Variants in C1QTNF2 observed in about 807,000 individuals in gnomAD.
C1QTNF2 encodes the protein C1q and TNF related 2.
Under a neutral mutation model 17.4 loss-of-function variants are expected in C1QTNF2, and 15 were observed. The ratio of observed to expected loss-of-function variants is 0.86; its 90% CI spans 0.58 to 1.33. C1QTNF2 has a LOEUF of 1.33. C1QTNF2 is among the 40% of genes most tolerant of loss of function. The probability of loss-of-function intolerance (pLI) is 0.00; values close to 1 mark genes in which losing one functional copy is unlikely to be tolerated. For missense variants in C1QTNF2, 381 were observed against 392.3 expected (o/e 0.97, Z 0.24); for synonymous variants, 154 against 163.3 (o/e 0.94, Z 0.44).
chr5:160,364,751 C>G (rs1232773540), intron 1 of C1QTNF2, among the ~76,000 whole-genome samples: 2 of 152,152 alleles, frequency 1.3e-5, no homozygotes, highest in Non-Finnish European at 2.9e-5. Flanking sequence ...TCCTGCCTTG[C>G]TGTTTCTGCT....
Position 160,349,591 on chromosome 5 carries a change from A to T in C1QTNF2, c.435T>A (p.Ser145Arg). 1 of 1,613,058 alleles carries T rather than the reference A, an allele frequency of 6.2e-7. No homozygotes were observed. ...PGLPGPCSCG[S>R]GHTKSAFSVA... The stretch of plus-strand genomic sequence containing the variant: ...CCGAGAAAGCTGACTTGGTATGGCC[A>T]CTGCCACAGCTGCAGGGGCCTGGGA... The change falls in exon 3 of 3, where the codon AGT becomes AGA. Residue 145 changes from serine to arginine, a missense_variant. Ser to Arg is a moderately radical substitution (Grantham distance 110, BLOSUM62 -1). Transcript: ENST00000652664. The surrounding 1 kb of genome is among the most constrained non-coding windows in gnomAD (Gnocchi z 4.3).
intron 1 of C1QTNF2, among the ~76,000 whole-genome samples, chr5:160,357,785 G>C (rs907293914): frequency 2.0e-5 from 3 of 150,744 alleles, no homozygotes; most frequent in Non-Finnish European, 4.4e-5. Context: ...GAGGGAGAGA[G>C]ACTGGCAGAA....
intron 1 of C1QTNF2, among the ~76,000 whole-genome samples, chr5:160,369,084 T>C (rs1462995442): frequency 1.3e-5 from 2 of 150,894 alleles, no homozygotes; most frequent in Admixed American, 1.3e-4. Flanking sequence ...ACAGCACAAA[T>C]ACAGAGTATA....
intron 1 of C1QTNF2, among the ~76,000 whole-genome samples, chr5:160,357,697 C>T (rs753694595): frequency 6.6e-5 from 10 of 152,074 alleles, no homozygotes; most frequent in South Asian, 2.1e-4. Context: ...TAAGTGGAAG[C>T]GAGTCTTCGA....
chr5:160,367,525 C>G (rs1356601329), intron 1 of C1QTNF2, among the ~76,000 whole-genome samples: 1 of 152,144 alleles, frequency 6.6e-6, no homozygotes, highest in African/African-American at 2.4e-5. Flanking sequence ...AAGAGGAGAT[C>G]AGGACACAGA....
intron 1 of C1QTNF2, among the ~76,000 whole-genome samples, chr5:160,369,416 G>A (rs1052199277): frequency 1.8e-4 from 27 of 152,322 alleles, no homozygotes; most frequent in Admixed American, 3.9e-4. Flanking sequence ...TTGGAAATGT[G>A]TGGAGAGTTT....
Position 160,349,912 on chromosome 5 carries a change from C to A in C1QTNF2, c.245-131G>T. 1 of 1,071,506 alleles carries A rather than the reference C, an allele frequency of 9.3e-7. No homozygotes were observed. The highest frequency in any genetic ancestry group is 1.9e-5 in the South Asian group (1 of 52,224). 66.4% of individuals were successfully genotyped at this position (1,071,506 alleles called of 1,614,324 possible). A position where few individuals can be genotyped will look rare whatever the true frequency, so the allele number is the denominator to read the frequency against. On this transcript the variant is annotated intron_variant, in intron 2 of 2. Transcript: ENST00000652664. This position sits in a 1 kb window ranked among gnomAD's most constrained non-coding sequence, Gnocchi z 4.3. ...AGAAAGAACAAGAAGGCTTTGCAGA[C>A]ATATAGAAGTGGGTGTAAATCCTAA...
At position 160,350,889 on chromosome 5, in the gene C1QTNF2, T is replaced by C. The variant is rs556451756; in HGVS notation, c.245-1108A>G. Among the ~76,000 whole-genome samples, 6 of 152,240 alleles carry C rather than the reference T, an allele frequency of 3.9e-5. No individual in the cohort carries two copies. The East Asian group carries it at 1.2e-3, about 29-fold the overall frequency. On this transcript the variant is annotated intron_variant, in intron 2 of 2. Transcript: ENST00000652664. ...CCTCAGCCTCCTGAGTAGCTGGGAC[T>C]ACAGGCACCTGCCACCACGCCCGGC...
chr5:160,370,593 G>C lies in C1QTNF2; in HGVS notation c.-91C>G, dbSNP rs748755194. 2.1e-6 allele frequency: 3 copies of C among 1,450,436 alleles called. No individual in the cohort carries two copies. The Admixed American group carries it at 8.5e-5, about 41-fold the overall frequency. 89.8% of individuals were successfully genotyped at this position (1,450,436 alleles called of 1,614,324 possible). On this transcript the variant is annotated 5_prime_UTR_variant, in exon 1 of 3. Coordinates refer to ENST00000652664, the MANE Select transcript of C1QTNF2 (RefSeq NM_031908.6). ...GCTCCGCGTCCCGGCTTTCCTCAGCGGCAGCAGCCGGGCAGAGCGTCGGCC... is the reference window on the plus strand; with the variant it reads ...GCTCCGCGTCCCGGCTTTCCTCAGCCGCAGCAGCCGGGCAGAGCGTCGGCC...
rs1561822867 is a variant in C1QTNF2 at position 160,354,600 on chromosome 5, ATATAT to A, written c.244+163_244+167del. On this transcript the variant is annotated intron_variant, in intron 2 of 2. Coordinates refer to ENST00000652664, the MANE Select transcript of C1QTNF2 (RefSeq NM_031908.6). Reference sequence around the variant, plus strand: ...TCTCAAGGGGAAAAAAAAAAAAAGTATATATATATATATATATATATATATATATA... The same window carrying A: ...TCTCAAGGGGAAAAAAAAAAAAAGTAATATATATATATATATATATATATA... Among the ~76,000 whole-genome samples, 376 of 59,220 alleles carry A rather than the reference ATATAT, an allele frequency of 6.3e-3. 8 individuals are homozygous for A. Among genetic ancestry groups the A allele is most frequent in the African/African-American group, 0.032 (324 of 10,180 alleles). The allele number at this position is 59,220 out of a possible 152,430, so 38.9% of individuals were successfully genotyped here. A position where few individuals can be genotyped will look rare whatever the true frequency, so the allele number is the denominator to read the frequency against.
chr5:160,355,036 G>T lies in C1QTNF2; in HGVS notation c.-9-16C>A, dbSNP rs1204973506. 1.8e-5 allele frequency: 28 copies of T among 1,524,160 alleles called. No individual in the cohort carries two copies. Among genetic ancestry groups the T allele is most frequent in the Non-Finnish European group, 2.5e-5 (28 of 1,134,996 alleles). The allele number at this position is 1,524,160 out of a possible 1,614,324, so 94.4% of individuals were successfully genotyped here. ...TGGTGGTTACCTGTGGGAGGCAAGA[G>T]AGCTGTGACAGGTGAGTGTGGCCAC... On this transcript the variant is annotated splice_polypyrimidine_tract_variant and intron_variant, in intron 1 of 2. Coordinates refer to ENST00000652664, the MANE Select transcript of C1QTNF2 (RefSeq NM_031908.6).
At chr5:160,354,345 A>G (rs2113510079) in intron 2 of C1QTNF2, among the ~76,000 whole-genome samples, 1 of 152,058 alleles carries the variant, frequency 6.6e-6, no homozygotes, top group East Asian at 2.0e-4. Context: ...TGGAAGGGCG[A>G]GGTAGATGGA....
chr5:160,356,158 A>G (rs1437878586), intron 1 of C1QTNF2, among the ~76,000 whole-genome samples: 1 of 152,226 alleles, frequency 6.6e-6, no homozygotes, highest in Admixed American at 6.5e-5. Flanking sequence ...TCTCTCAACA[A>G]ATCAGTTCCT....
chr5:160,358,296 T>C (rs973166011), intron 1 of C1QTNF2, among the ~76,000 whole-genome samples: 12 of 152,056 alleles, frequency 7.9e-5, no homozygotes, highest in Non-Finnish European at 1.2e-4. Context: ...CCACAACACC[T>C]CCAAGAAAAA....
intron 1 of C1QTNF2, among the ~76,000 whole-genome samples, chr5:160,361,587 A>G (rs1468619551): frequency 6.6e-6 from 1 of 152,242 alleles, no homozygotes; most frequent in African/African-American, 2.4e-5. Context: ...CTATGCAATG[A>G]AAATAATAGT....
chr5:160,359,145 T>C (rs564778014), intron 1 of C1QTNF2, among the ~76,000 whole-genome samples: 5 of 152,272 alleles, frequency 3.3e-5, no homozygotes, highest in Non-Finnish European at 7.4e-5. Context: ...TGTCCCATTT[T>C]TTTTTTCAGA....
chr5:160,370,380 C>T, intron 1 of C1QTNF2, 132 bp downstream of exon 1: 1 of 1,179,860 alleles, frequency 8.5e-7, no homozygotes, highest in Non-Finnish European at 1.1e-6. Flanking sequence ...AGCTGCCCAG[C>T]CCGCAATAAA....
At chr5:160,367,019 G>T (rs1254178917) in intron 1 of C1QTNF2, among the ~76,000 whole-genome samples, 3 of 105,012 alleles carry the variant, frequency 2.9e-5, no homozygotes, top group Admixed American at 2.0e-4. Flanking sequence ...GCAAGACATT[G>T]TCAAAAAAAA....
chr5:160,354,336 G>T (rs998728208), intron 2 of C1QTNF2, among the ~76,000 whole-genome samples: 4 of 151,986 alleles, frequency 2.6e-5, no homozygotes, highest in African/African-American at 7.3e-5. Context: ...CCAGCACTTT[G>T]GAAGGGCGAG....
Sources: allele counts gnomAD v4.1 joint callset (sites outside exome capture counted in the v4.1 genomes callset), GRCh38; gene constraint gnomAD v4.1.1; non-coding constraint Gnocchi (gnomAD v3.1); transcripts MANE v1.5; gene names NCBI Gene and HGNC (gene_info 2026-07-23, HGNC 2026-07-21).